The following FAM163A variants were observed in gnomAD, a reference collection of about 807,000 sequenced individuals.
The protein encoded by FAM163A is family with sequence similarity 163 member A, also known as protein FAM163A.
Under a neutral mutation model 12.0 loss-of-function variants are expected in FAM163A, and 7 were observed. The observed-to-expected ratio is 0.58, with a 90% CI of 0.33 to 1.10. FAM163A has a LOEUF of 1.10. Among genes scored for constraint, FAM163A ranks in the 50% least tolerant of loss-of-function variants. The pLI is 0.03. For missense variants in FAM163A, 202 were observed against 218.6 expected (o/e 0.92, Z 0.48); for synonymous variants, 101 against 91.0 (o/e 1.11, Z -0.62).
intron 1 of FAM163A, among the ~76,000 whole-genome samples, chr1:179,763,168 G>A (rs919502716): frequency 5.3e-5 from 8 of 152,206 alleles, no homozygotes; most frequent in Non-Finnish European, 1.0e-4. Context: ...TTATGCAGAT[G>A]TAAGCCTGCT....
intron 1 of FAM163A, among the ~76,000 whole-genome samples, chr1:179,755,563 A>G (rs780232755): frequency 6.6e-6 from 1 of 152,216 alleles, no homozygotes; most frequent in Non-Finnish European, 1.5e-5. Flanking sequence ...GGTTAGAGTG[A>G]AGAATAATCA....
At chr1:179,794,168 T>C (rs1374730593) in intron 1 of FAM163A, among the ~76,000 whole-genome samples, 1 of 152,198 alleles carries the variant, frequency 6.6e-6, no homozygotes, top group African/African-American at 2.4e-5. Context: ...CATAGCTGCC[T>C]CCCTAGCCCA....
At chr1:179,768,686 A>T (rs113173495) in intron 1 of FAM163A, among the ~76,000 whole-genome samples, 3 of 152,102 alleles carry the variant, frequency 2.0e-5, no homozygotes, top group African/African-American at 7.2e-5. Flanking sequence ...GCTCACTGCA[A>T]CCTCAACCTC....
At position 179,792,283 on chromosome 1, in the gene FAM163A, T is replaced by TTGTGTGTGTGTGTG. The variant is rs3075152; in HGVS notation, c.-135-15484_-135-15471dup. 5.8e-4 allele frequency among the ~76,000 whole-genome samples: 78 copies of TTGTGTGTGTGTGTG among 133,656 alleles called. 1 individual carries two copies. Among genetic ancestry groups the TTGTGTGTGTGTGTG allele is most frequent in the African/African-American group, 1.8e-3 (63 of 35,202 alleles). The allele number at this position is 133,656 out of a possible 152,430, so 87.7% of individuals were successfully genotyped here. A position where few individuals can be genotyped will look rare whatever the true frequency, so the allele number is the denominator to read the frequency against. On this transcript the variant is annotated intron_variant, in intron 1 of 4. Coordinates refer to ENST00000341785, the MANE Select transcript of FAM163A (RefSeq NM_173509.3). ...TACAGACACATGCCACCATATCTGA[T>TTGTGTGTGTGTGTG]TGTGTGTGTGTGTGTGTGTGTGTGT... is the stretch of plus-strand genomic sequence containing the variant.
chr1:179,772,352 T>C (rs1200544084), intron 1 of FAM163A, among the ~76,000 whole-genome samples: 1 of 152,188 alleles, frequency 6.6e-6, no homozygotes, highest in African/African-American at 2.4e-5. Context: ...TGGCATTTTG[T>C]TACCTCCCCA....
At chr1:179,758,131 C>T (rs1181820142) in intron 1 of FAM163A, among the ~76,000 whole-genome samples, 3 of 152,168 alleles carry the variant, frequency 2.0e-5, no homozygotes, top group Non-Finnish European at 4.4e-5. Context: ...CCAGATTCTG[C>T]TAACAGAACT....
At chr1:179,792,283 T>TTTTGTGTGTG (rs1446542447) in intron 1 of FAM163A, among the ~76,000 whole-genome samples, 1 of 133,566 alleles carries the variant, frequency 7.5e-6, no homozygotes, top group Non-Finnish European at 1.6e-5. Flanking sequence ...CCATATCTGA[T>TTTTGTGTGTG]TGTGTGTGTG....
intron 1 of FAM163A, among the ~76,000 whole-genome samples, chr1:179,773,931 T>C (rs1444885046): frequency 1.3e-5 from 2 of 152,188 alleles, no homozygotes; most frequent in Non-Finnish European, 2.9e-5. Context: ...CTTTGTCTAA[T>C]TGAAAGGGGC....
chr1:179,730,062 T>C, the FAM163A span, among the ~76,000 whole-genome samples: 370 of 152,158 alleles, frequency 2.4e-3, no homozygotes, highest in Admixed American at 3.5e-3. Context: ...GCGTTTGAGA[T>C]AGGTAATCAA....
intron 3 of FAM163A, 146 bp downstream of exon 3, chr1:179,812,277 C>T (rs1694799876): frequency 6.5e-6 from 1 of 152,712 alleles, no homozygotes; most frequent in Non-Finnish European, 1.5e-5. Context: ...CCATGACAGC[C>T]TCATGCCCAG....
chr1:179,758,947 T>G (rs1686417376), intron 1 of FAM163A, among the ~76,000 whole-genome samples: 1 of 152,194 alleles, frequency 6.6e-6, no homozygotes, highest in South Asian at 2.1e-4. Context: ...GTTAAATAGT[T>G]TTAATAGCAC....
intron 1 of FAM163A, among the ~76,000 whole-genome samples, chr1:179,761,104 T>C (rs1686755239): frequency 6.6e-6 from 1 of 152,178 alleles, no homozygotes; most frequent in Non-Finnish European, 1.5e-5. Context: ...ATATTTTACA[T>C]GAAAAAATAG....
chr1:179,784,569 G>A (rs1052012122), intron 1 of FAM163A, among the ~76,000 whole-genome samples: 2 of 152,120 alleles, frequency 1.3e-5, no homozygotes, highest in African/African-American at 4.8e-5. Context: ...GTCCAGCATT[G>A]CCCTATATAC....
At chr1:179,792,877 AAAAT>A (rs1691718543) in intron 1 of FAM163A, among the ~76,000 whole-genome samples, 1 of 137,692 alleles carries the variant, frequency 7.3e-6, no homozygotes, top group African/African-American at 3.4e-5. Context: ...GACAGATAAT[AAAAT>A]ATATATATAT....
chr1:179,732,742 G>A, the FAM163A span, among the ~76,000 whole-genome samples: 65 of 151,936 alleles, frequency 4.3e-4, no homozygotes, highest in African/African-American at 1.2e-3. Flanking sequence ...TTAGCCAGGC[G>A]TGGTGGTGCG....
intron 1 of FAM163A, among the ~76,000 whole-genome samples, chr1:179,783,915 C>T (rs1001559299): frequency 6.7e-6 from 1 of 149,570 alleles, no homozygotes; most frequent in Non-Finnish European, 1.5e-5. Context: ...TGATGGGATA[C>T]ACTAGTTGGC....
chr1:179,769,805 C>CTTTCTTACTTA (rs1688013118), intron 1 of FAM163A, among the ~76,000 whole-genome samples: 1 of 151,540 alleles, frequency 6.6e-6, no homozygotes, highest in South Asian at 2.1e-4. Flanking sequence ...CAGTCACCAG[C>CTTTCTTACTTA]TTTCTTACTT....
At position 179,815,105 on chromosome 1, in the gene FAM163A, GCGCGCACAGACACACACACACACA is replaced by G. The variant is rs750238590; in HGVS notation, c.*918_*941del. ...TTCCCAGGTGTACGCACGCGCGCGCGCGCGCACAGACACACACACACACACACACACACACACACACACACAGTA... is the reference window on the plus strand; with the variant it reads ...TTCCCAGGTGTACGCACGCGCGCGCGCACACACACACACACACACACAGTA... On this transcript the variant is annotated 3_prime_UTR_variant, in exon 5 of 5. Transcript: ENST00000341785. 9.4e-5 allele frequency: 8 copies of G among 85,284 alleles called. No individual in the cohort carries two copies. The highest frequency in any genetic ancestry group is 3.0e-4 in the African/African-American group (6 of 20,254). The allele number at this position is 85,284 out of a possible 1,614,324, so 5.3% of individuals were successfully genotyped here. A position where few individuals can be genotyped will look rare whatever the true frequency, so the allele number is the denominator to read the frequency against.
intron 1 of FAM163A, among the ~76,000 whole-genome samples, chr1:179,745,602 A>C (rs909280607): frequency 6.6e-6 from 1 of 152,236 alleles, no homozygotes; most frequent in African/African-American, 2.4e-5. Context: ...GGGTCTGTCC[A>C]TTGTGAAAAG....
Sources: allele counts gnomAD v4.1 joint callset (sites outside exome capture counted in the v4.1 genomes callset), GRCh38; gene constraint gnomAD v4.1.1; transcripts MANE v1.5; gene names NCBI Gene and HGNC (gene_info 2026-07-23, HGNC 2026-07-21).